Variants in LRRC43 observed in about 807,000 individuals in gnomAD.
LRRC43 encodes the protein leucine rich repeat containing 43, also known as leucine-rich repeat-containing protein 43.
A neutral mutation model predicts 64.3 loss-of-function variants in LRRC43; 62 were observed. The observed-to-expected ratio is 0.96, with a 90% CI of 0.79 to 1.19. The LOEUF (loss-of-function observed/expected upper bound fraction) is 1.19, where lower values mean the gene tolerates loss of function less well. Ranked by LOEUF, LRRC43 falls within the 50% of genes most tolerant of loss-of-function variation. The pLI, the probability that LRRC43 is intolerant of heterozygous loss-of-function variation, is 0.00. For missense variants in LRRC43, 868 were observed against 845.0 expected (o/e 1.03, Z -0.34); for synonymous variants, 422 against 382.3 (o/e 1.10, Z -1.21).
chr12:122,186,031 G>C (rs1012560289), intron 2 of LRRC43, among the ~76,000 whole-genome samples, 159 bp from the exon 3 acceptor site: 1 of 152,144 alleles, frequency 6.6e-6, no homozygotes, highest in Non-Finnish European at 1.5e-5. Flanking sequence ...GATCCTGGCA[G>C]AGCGATGCAG....
At chr12:122,188,003 G>A in intron 4 of LRRC43, 163 bp downstream of exon 4, 1 of 702,206 alleles carries the variant, frequency 1.4e-6, no homozygotes. Context: ...CCCCTTCAGT[G>A]GGATTTTGTA....
intron 11 of LRRC43, chr12:122,202,385 ATT>A (rs1156773760): frequency 1.3e-5 from 2 of 152,184 alleles, no homozygotes; most frequent in Non-Finnish European, 2.9e-5. Flanking sequence ...AAATAATATA[ATT>A]TCTTTAATAT....
upstream of LRRC43, among the ~76,000 whole-genome samples, chr12:122,178,125 A>G (rs56785986): frequency 0.021 from 3,234 of 152,226 alleles, 98 homozygotes; most frequent in African/African-American, 0.071. Flanking sequence ...AGTGGGAGCC[A>G]CCACGCCTGG....
At chr12:122,183,619 C>G (rs1953606769) in intron 1 of LRRC43, among the ~76,000 whole-genome samples, 1 of 152,194 alleles carries the variant, frequency 6.6e-6, no homozygotes, top group Admixed American at 6.5e-5. Flanking sequence ...AGTTCCACAA[C>G]TTTTCCCAGC....
At chr12:122,178,582 CTTTTTTTTTTTTTTTTT>C (rs57204293), upstream of LRRC43, among the ~76,000 whole-genome samples, 1 of 60,732 alleles carries the variant, frequency 1.6e-5, no homozygotes, top group Non-Finnish European at 2.8e-5. Context: ...AGGTGGCTTT[CTTTTTTTTTTTTTTTTT>C]TTTTTTTTTT....
chr12:122,191,580 C>G lies in LRRC43; in HGVS notation c.1089+13C>G. The G allele has an allele frequency of 6.2e-7, 1 of 1,611,990 alleles. No individual in the cohort carries two copies. The highest frequency in any genetic ancestry group is 1.1e-5 in the South Asian group (1 of 90,794). ...CGTCCTGGCCGAGGTGTGCCCTGGTCTGTCCCTAGGAGTATGGGGGGCTCT... is the reference window on the plus strand; with the variant it reads ...CGTCCTGGCCGAGGTGTGCCCTGGTGTGTCCCTAGGAGTATGGGGGGCTCT... On this transcript the variant is annotated intron_variant, in intron 6 of 11. Transcript: ENST00000339777.
At chr12:122,186,082 GGGA>G in intron 2 of LRRC43, 105 bp from the exon 3 acceptor site, 1 of 672,776 alleles carries the variant, frequency 1.5e-6, no homozygotes, top group Non-Finnish European at 2.7e-6. Context: ...GGGAAGGGAG[GGGA>G]AGTAACTCTG....
At chr12:122,174,084 G>A (rs1593139711) in intron 1 of LRRC43, 1 of 1,613,604 alleles carries the variant, frequency 6.2e-7, no homozygotes, top group East Asian at 2.2e-5. Flanking sequence ...AACCCTGGGG[G>A]TAGTGCTTCC....
chr12:122,168,302 G>A (rs1271732474), intron 1 of LRRC43, among the ~76,000 whole-genome samples: 2 of 151,740 alleles, frequency 1.3e-5, no homozygotes, highest in African/African-American at 4.8e-5. Context: ...TTAGCTGGGC[G>A]TGGTGGTGCA....
At chr12:122,198,568 A>G (rs1321168978) in intron 7 of LRRC43, among the ~76,000 whole-genome samples, 1 of 149,744 alleles carries the variant, frequency 6.7e-6, no homozygotes, top group African/African-American at 2.5e-5. Context: ...TTCACTGAGC[A>G]TCATGTTTTC....
At chr12:122,194,743 T>G (rs1378513224) in intron 7 of LRRC43, among the ~76,000 whole-genome samples, 1 of 152,134 alleles carries the variant, frequency 6.6e-6, no homozygotes, top group East Asian at 1.9e-4. Flanking sequence ...AGTGCTGCAA[T>G]TACAGATGTG....
At chr12:122,190,800 C>T (rs1806533744) in intron 5 of LRRC43, among the ~76,000 whole-genome samples, 1 of 151,514 alleles carries the variant, frequency 6.6e-6, no homozygotes, top group African/African-American at 2.4e-5. Context: ...GAGGTGGAGG[C>T]TGCAGTGAGC....
upstream of LRRC43, among the ~76,000 whole-genome samples, chr12:122,181,609 A>ATT (rs1187130747): frequency 4.1e-5 from 3 of 73,276 alleles, no homozygotes; most frequent in Admixed American, 1.4e-4. Context: ...GTTTTGGATA[A>ATT]ATTTTTTTTT....
intron 1 of LRRC43, among the ~76,000 whole-genome samples, chr12:122,175,962 C>T (rs959707955): frequency 3.3e-5 from 5 of 152,252 alleles, no homozygotes; most frequent in East Asian, 1.9e-4. Flanking sequence ...CGACTGCACC[C>T]GGCCTCCTTA....
At chr12:122,178,945 G>A (rs1452473708), upstream of LRRC43, among the ~76,000 whole-genome samples, 1 of 152,064 alleles carries the variant, frequency 6.6e-6, no homozygotes, top group Non-Finnish European at 1.5e-5. Context: ...GGTGGAGAGG[G>A]AAGAGTTGAG....
intron 2 of LRRC43, among the ~76,000 whole-genome samples, chr12:122,185,824 C>T (rs771203272): frequency 1.3e-5 from 2 of 152,166 alleles, no homozygotes; most frequent in Non-Finnish European, 2.9e-5. Flanking sequence ...TCTGGTCGGA[C>T]CCTGCTCTGG....
chr12:122,200,686 G>A lies in LRRC43; in HGVS notation c.1620+26G>A. 1 of 1,613,396 alleles carries A rather than the reference G, an allele frequency of 6.2e-7. No individual in the cohort carries two copies. The highest frequency in any genetic ancestry group is 8.5e-7 in the Non-Finnish European group (1 of 1,179,846). On this transcript the variant is annotated intron_variant, in intron 9 of 11. Transcript: ENST00000339777. The surrounding 1 kb of genome is among the most constrained non-coding windows in gnomAD (Gnocchi z 4.6). ...GTACCGGGCCTTGGTGCTGGGGAGG[G>A]CAGCCTGGCCACACCCTTGCTTCAA...
At chr12:122,189,125 C>G (rs1593147966) in intron 4 of LRRC43, among the ~76,000 whole-genome samples, 3 of 152,254 alleles carry the variant, frequency 2.0e-5, no homozygotes, top group Middle Eastern at 3.4e-3. Flanking sequence ...CATCCTGGAC[C>G]TGAGGGGTAG....
At chr12:122,190,408 AC>A in intron 5 of LRRC43, 40 bp downstream of exon 5, 2 of 1,525,774 alleles carry the variant, frequency 1.3e-6, no homozygotes, top group Non-Finnish European at 9.0e-7. Flanking sequence ...GGCATGTGAC[AC>A]CCCAGCCTGC....
Sources: gnomAD v4.1 joint callset for allele counts (sites outside exome capture counted in the v4.1 genomes callset) on GRCh38, gnomAD v4.1.1 for gene constraint, Gnocchi (gnomAD v3.1) non-coding constraint, MANE v1.5 for transcripts, NCBI Gene and HGNC (gene_info 2026-07-23, HGNC 2026-07-21) for gene names.